The following SEZ6L2 variants were observed in gnomAD, a reference collection of about 807,000 sequenced individuals.
SEZ6L2 encodes seizure 6-like protein 2.
SEZ6L2 carries 44 observed loss-of-function variants against 97.0 expected under a neutral mutation model. That is an observed-to-expected ratio of 0.45 (90% CI 0.36 to 0.58). The LOEUF (loss-of-function observed/expected upper bound fraction) is 0.58, where lower values mean the gene tolerates loss of function less well. Among genes scored for constraint, SEZ6L2 ranks in the 20% least tolerant of loss-of-function variants. SEZ6L2 has a pLI of 0.00. For synonymous variants in SEZ6L2, 543 were observed against 546.1 expected, an observed-to-expected ratio of 0.99 and a Z score of 0.08; for missense variants, 1,086 against 1,233.3, an observed-to-expected ratio of 0.88 and a Z score of 1.79.
rs769816978 is a variant in SEZ6L2 at position 29,877,332 on chromosome 16, A to G, written c.1848T>C (p.Phe616=). 6.2e-7 allele frequency: 1 copy of G among 1,612,532 alleles called. No homozygotes were observed. The highest frequency in any genetic ancestry group is 2.2e-5 in the East Asian group (1 of 44,716). Residue 616 remains phenylalanine, a synonymous_variant, in exon 11 of 18, where the codon TTT becomes TTC. Transcript: ENST00000617533. ...LSSGPDLTLQ[F]QAPPGPPNPG... is the part of the protein sequence containing the mutation. ...GATTTGGGGGCCCGGGCGGTGCCTG[A>G]AACTGCAGTGTGAGGTCGGGCCCAG... is the stretch of plus-strand genomic sequence containing the variant.
Position 29,897,880 on chromosome 16 carries a change from T to G in SEZ6L2, c.184A>C (p.Arg62=). 1 of 1,611,022 alleles carries G rather than the reference T, an allele frequency of 6.2e-7. No homozygotes were observed. Among genetic ancestry groups the G allele is most frequent in the Non-Finnish European group, 8.5e-7 (1 of 1,179,022 alleles). ...GGCAGGTAGCCCATCTCTGGGCCCC[T>G]CCTCAGCAGGGCCCCATGAAGCAGT... ...AELLHGALLR[R]GPEMGYLPGS... The change falls in exon 2 of 18, where the codon AGG becomes CGG. Residue 62 remains arginine, a synonymous_variant. Transcript: ENST00000617533.
At chr16:29,878,186 T>TA (rs2067950165) in intron 10 of SEZ6L2, 101 bp downstream of exon 10, 1 of 1,372,934 alleles carries the variant, frequency 7.3e-7, no homozygotes, top group Non-Finnish European at 9.7e-7. Context: ...TCTGGATAGA[T>TA]ACGCAAGAGC....
chr16:29,875,782 C>T (rs555325505), intron 12 of SEZ6L2, among the ~76,000 whole-genome samples: 2 of 151,536 alleles, frequency 1.3e-5, no homozygotes, highest in East Asian at 3.9e-4. Context: ...CCTTCCTCAG[C>T]CTCCTGAGTA....
intron 4 of SEZ6L2, 128 bp downstream of exon 4, chr16:29,895,593 T>C (rs1168262691): frequency 7.0e-7 from 1 of 1,426,190 alleles, no homozygotes; most frequent in Non-Finnish European, 9.5e-7. Flanking sequence ...TGTAGAAATC[T>C]AGAAGAGTTT....
chr16:29,873,959 G>A lies in SEZ6L2; in HGVS notation c.2105-230C>T, dbSNP rs942904918. On this transcript the variant is annotated intron_variant, in intron 12 of 17. Coordinates refer to ENST00000617533, the MANE Select transcript of SEZ6L2 (RefSeq NM_001243332.2). This position sits in a 1 kb window ranked among gnomAD's most constrained non-coding sequence, Gnocchi z 4.3. The stretch of plus-strand genomic sequence containing the variant: ...ACTGCACTCCAGCCTGGGTGACAGA[G>A]TGAGACCCAGTCTAAAAAAAATAAA... Among the ~76,000 whole-genome samples the A allele has an allele frequency of 3.9e-5, 6 of 152,126 alleles. No individual in the cohort carries two copies. The highest frequency in any genetic ancestry group is 1.4e-4 in the African/African-American group (6 of 41,416).
chr16:29,895,178 CAAAAAA>C (rs55954869), intron 5 of SEZ6L2, 75 bp downstream of exon 5: 864 of 567,070 alleles, frequency 1.5e-3, no homozygotes, highest in Middle Eastern at 2.7e-3. Flanking sequence ...GACTCTGTCT[CAAAAAA>C]AAAAAAAAAA....
chr16:29,897,246 G>A, intron 2 of SEZ6L2, 125 bp from the exon 3 acceptor site: 1 of 849,150 alleles, frequency 1.2e-6, no homozygotes, highest in South Asian at 1.9e-5. Context: ...ACAAGGTACA[G>A]CACCCCCCAC....
In SEZ6L2 at chr16:29,872,539, G is replaced by A. The variant is rs549094202; in HGVS notation, c.2528-13C>T. 1 of 1,612,968 alleles carries A rather than the reference G, an allele frequency of 6.2e-7. No individual in the cohort carries two copies. Among genetic ancestry groups the A allele is most frequent in the Non-Finnish European group, 8.5e-7 (1 of 1,179,130 alleles). ...GTGGTCTGGGTCACTACAGGAGGAGGAGAGGCCGGTGAGCTGTGGCTGGGC... is the reference window on the plus strand; with the variant it reads ...GTGGTCTGGGTCACTACAGGAGGAGAAGAGGCCGGTGAGCTGTGGCTGGGC... On this transcript the variant is annotated splice_polypyrimidine_tract_variant and intron_variant, in intron 15 of 17. Transcript: ENST00000617533.
chr16:29,895,222 G>T (rs1173125328), intron 5 of SEZ6L2, 37 bp downstream of exon 5: 1 of 1,386,408 alleles, frequency 7.2e-7, no homozygotes. Flanking sequence ...ATGCAGTATG[G>T]CCCCTGCCCT....
chr16:29,894,693 G>A (rs1012783645), intron 5 of SEZ6L2, among the ~76,000 whole-genome samples: 2 of 152,068 alleles, frequency 1.3e-5, no homozygotes, highest in African/African-American at 2.4e-5. Context: ...CTAACACAGG[G>A]CCTGGTATGA....
chr16:29,879,504 C>T (rs1005344943), intron 9 of SEZ6L2, among the ~76,000 whole-genome samples: 4 of 152,180 alleles, frequency 2.6e-5, no homozygotes, highest in Non-Finnish European at 5.9e-5. Context: ...GTATTACAGG[C>T]GTGAGCCACC....
chr16:29,888,493 T>C (rs1250766430), intron 6 of SEZ6L2, 47 bp downstream of exon 6: 3 of 1,576,398 alleles, frequency 1.9e-6, no homozygotes, highest in African/African-American at 2.7e-5. Flanking sequence ...ACCCTCCCAA[T>C]GGGGTTCCCA....
chr16:29,878,152 A>G, intron 10 of SEZ6L2, 135 bp downstream of exon 10: 1 of 1,093,644 alleles, frequency 9.1e-7, no homozygotes, highest in Non-Finnish European at 1.3e-6. Context: ...CTGTACCCTT[A>G]GTGCACCAGC....
chr16:29,873,653 G>A lies in SEZ6L2; in HGVS notation c.2181C>T (p.Ser727=), dbSNP rs1157633670. The change falls in exon 13 of 18, where the codon TCC becomes TCT. Residue 727 remains serine, a synonymous_variant. Transcript: ENST00000617533. The surrounding 1 kb of genome is among the most constrained non-coding windows in gnomAD (Gnocchi z 4.3). ...TASDAGFPVG[S]HVQYRCLPGY... is the part of the protein sequence containing the mutation. ...CTGGCAGGCAGCGGTACTGGACGTG[G>A]GAGCCAACGGGGAAGCCGGCGTCCG... 4 of 1,613,734 alleles carry A rather than the reference G, an allele frequency of 2.5e-6. No homozygotes were observed. The highest frequency in any genetic ancestry group is 1.7e-5 in the Admixed American group (1 of 60,008).
intron 8 of SEZ6L2, 40 bp downstream of exon 8, chr16:29,885,546 G>A (rs2068119003): frequency 5.6e-6 from 9 of 1,593,336 alleles, no homozygotes; most frequent in Non-Finnish European, 7.7e-6. Context: ...AGAGGGGAAG[G>A]TGTGGCGGTT....
chr16:29,893,287 G>C (rs555049462), intron 5 of SEZ6L2, among the ~76,000 whole-genome samples: 6 of 152,026 alleles, frequency 3.9e-5, no homozygotes, highest in African/African-American at 1.4e-4. Flanking sequence ...TTGCGCCATT[G>C]CATTCCAGCC....
rs199751101 is a variant in SEZ6L2, at chr16:29,886,511, TA to T, written c.1209-763del. Among the ~76,000 whole-genome samples, 896 of 145,470 alleles carry T rather than the reference TA, an allele frequency of 6.2e-3. 13 individuals are homozygous for T. The highest frequency in any genetic ancestry group is 0.021 in the African/African-American group (845 of 39,680). ...TAACACGGTGAAACCCCAACTCTAC[TA>T]AAAAAAAAAGTACAAAAAATTAGCC... On this transcript the variant is annotated intron_variant, in intron 7 of 17. Coordinates refer to ENST00000617533, the MANE Select transcript of SEZ6L2 (RefSeq NM_001243332.2).
In SEZ6L2 at chr16:29,871,503, C is replaced by A; in HGVS notation, c.*196G>T. On this transcript the variant is annotated 3_prime_UTR_variant, in exon 18 of 18. Transcript: ENST00000617533. Reference sequence around the variant, plus strand: ...CCCTCGTTTGGCAACTGAGAAGAGGCGGCTTTGGGCGGCAGGATGCTGGTT... The same window carrying A: ...CCCTCGTTTGGCAACTGAGAAGAGGAGGCTTTGGGCGGCAGGATGCTGGTT... 1 of 632,794 alleles carries A rather than the reference C, an allele frequency of 1.6e-6. No homozygotes were observed. The allele number at this position is 632,794 out of a possible 1,614,324, so 39.2% of individuals were successfully genotyped here. A position where few individuals can be genotyped will look rare whatever the true frequency, so the allele number is the denominator to read the frequency against.
At chr16:29,885,820 CTAACT>C (rs909261342) in intron 7 of SEZ6L2, 71 bp from the exon 8 acceptor site, 3 of 1,483,792 alleles carry the variant, frequency 2.0e-6, no homozygotes, top group African/African-American at 1.4e-5. Context: ...GCCTGCTTTC[CTAACT>C]TATTTTTATA....
Sources: allele counts gnomAD v4.1 joint callset (sites outside exome capture counted in the v4.1 genomes callset), GRCh38; gene constraint gnomAD v4.1.1; non-coding constraint Gnocchi (gnomAD v3.1); transcripts MANE v1.5; gene names NCBI Gene and HGNC (gene_info 2026-07-23, HGNC 2026-07-21).